Variants in TMC2 observed in about 807,000 individuals in gnomAD.
The protein encoded by TMC2 is transmembrane channel like 2, also known as transmembrane channel-like protein 2.
In TMC2, 102 loss-of-function variants were observed where a neutral mutation model predicts 105.9. That is an observed-to-expected ratio of 0.96 (90% CI 0.82 to 1.14). TMC2 has a LOEUF of 1.14. Among genes scored for constraint, TMC2 ranks in the 50% most tolerant of loss-of-function variants. The pLI is 0.00. For missense variants in TMC2, 1,093 were observed against 1,134.3 expected (o/e 0.96, Z 0.52); for synonymous variants, 402 against 422.8 (o/e 0.95, Z 0.60).
At position 2,635,962 on chromosome 20, in the gene TMC2, C is replaced by G. The variant is rs1326407583; in HGVS notation, c.2343C>G (p.Ser781Arg). 4.3e-6 allele frequency: 7 copies of G among 1,614,006 alleles called. No homozygotes were observed. The highest frequency in any genetic ancestry group is 1.3e-5 in the African/African-American group (1 of 74,890). ...AIYYLNSVSKSLSRANAQLRK... is the reference protein window; with the variant it reads ...AIYYLNSVSKRLSRANAQLRK... ...ACTACCTGAACTCAGTTTCCAAAAG[C>G]CTTTCCCGAGCTAATGCCCAGCTGA... The change falls in exon 18 of 20, where the codon AGC becomes AGG. Residue 781 changes from serine (S) to arginine (R), a missense_variant. Physicochemically the swap from Ser to Arg is moderately radical, Grantham distance 110 (BLOSUM62 -1). Coordinates refer to ENST00000358864, the MANE Select transcript of TMC2 (RefSeq NM_080751.3).
chr20:2,599,529 C>G (rs971707981), intron 10 of TMC2, among the ~76,000 whole-genome samples: 1 of 120,652 alleles, frequency 8.3e-6, no homozygotes, highest in Non-Finnish European at 1.8e-5. Context: ...TTTTTTTTTT[C>G]TTTAATTACA....
intron 7 of TMC2, among the ~76,000 whole-genome samples, chr20:2,590,431 TA>T (rs1330058672): frequency 1.3e-5 from 2 of 152,022 alleles, no homozygotes; most frequent in Non-Finnish European, 2.9e-5. Flanking sequence ...ATATATGTTA[TA>T]CATATACTAT....
intron 9 of TMC2, among the ~76,000 whole-genome samples, chr20:2,596,465 C>G (rs761341172): frequency 2.8e-4 from 43 of 152,038 alleles, no homozygotes; most frequent in Non-Finnish European, 5.7e-4. Flanking sequence ...AACCCCATCT[C>G]TACCAAAAAT....
intron 4 of TMC2, among the ~76,000 whole-genome samples, chr20:2,571,619 A>G (rs2086103502): frequency 6.6e-6 from 1 of 152,226 alleles, no homozygotes; most frequent in Non-Finnish European, 1.5e-5. Flanking sequence ...AGATTTCTTA[A>G]GAAACTTCTC....
chr20:2,555,188 C>T (rs990137224), intron 2 of TMC2, among the ~76,000 whole-genome samples: 1 of 152,204 alleles, frequency 6.6e-6, no homozygotes. Flanking sequence ...TCAAGCCATT[C>T]TCCTGCCTCA....
chr20:2,578,037 C>T (rs6417577), intron 5 of TMC2, among the ~76,000 whole-genome samples: 21,755 of 151,962 alleles, frequency 0.14, 2,128 homozygotes, highest in African/African-American at 0.28. Flanking sequence ...TAATAGGAAC[C>T]GGGCCAGGCA....
chr20:2,572,077 C>A, intron 4 of TMC2, 102 bp from the exon 5 acceptor site: 1 of 872,624 alleles, frequency 1.1e-6, no homozygotes, highest in Non-Finnish European at 1.9e-6. Context: ...CAGGGGTATA[C>A]AAAGACATAA....
At position 2,594,992 on chromosome 20, in the gene TMC2, G is replaced by T. The variant is rs533420401; in HGVS notation, c.1076+25G>T. 1.5e-5 allele frequency: 24 copies of T among 1,604,860 alleles called. No homozygotes were observed. In the East Asian group the frequency reaches 3.1e-4, roughly 21 times the overall value. On this transcript the variant is annotated intron_variant, in intron 9 of 19. Transcript: ENST00000358864. The stretch of plus-strand genomic sequence containing the variant: ...CGTAAGTATGACCGTCTCATCCGCA[G>T]GCTTTGACTTCACAGCCACAGCTCA...
chr20:2,589,270 CTGTGTGTGTGTGTGTGTGTGTGTGTG>C (rs750496572), intron 7 of TMC2, among the ~76,000 whole-genome samples: 1 of 116,292 alleles, frequency 8.6e-6, no homozygotes, highest in Non-Finnish European at 1.7e-5. Context: ...CCTATTTGCC[CTGTGTGTGTGTGTGTGTGTGTGTGTG>C]TGTGTGTGTG....
chr20:2,545,521 G>A (rs939136586), intron 2 of TMC2, among the ~76,000 whole-genome samples: 6 of 152,130 alleles, frequency 3.9e-5, no homozygotes, highest in Non-Finnish European at 7.3e-5. Context: ...GTCACTGGGG[G>A]CCATTCAGTC....
At chr20:2,540,608 C>A (rs1600092213) in intron 2 of TMC2, among the ~76,000 whole-genome samples, 1 of 147,006 alleles carries the variant, frequency 6.8e-6, no homozygotes, top group African/African-American at 2.5e-5. Flanking sequence ...TTGCAGTGAG[C>A]CTAGATGGTG....
chr20:2,587,529 TG>T (rs993931814), intron 7 of TMC2, among the ~76,000 whole-genome samples: 3 of 14,644 alleles, frequency 2.0e-4, no homozygotes, highest in Non-Finnish European at 3.2e-4. Context: ...GATTTGGGAA[TG>T]TTTTTTTTTA....
rs1206090492 is a variant in TMC2 at position 2,643,143 on chromosome 20, C to T, written c.*1792C>T. Among the ~76,000 whole-genome samples the T allele has an allele frequency of 2.0e-5, 3 of 152,140 alleles. No individual in the cohort carries two copies. Among genetic ancestry groups the T allele is most frequent in the African/African-American group, 7.2e-5 (3 of 41,426 alleles). On this transcript the variant is annotated 3_prime_UTR_variant, in exon 20 of 20. Transcript: ENST00000358864. ...CACCAATCTCTCCTGGCAAGGCTAA[C>T]GAAGATGTTGCAATGCCTGATTTCC...
intron 7 of TMC2, among the ~76,000 whole-genome samples, chr20:2,584,241 G>A (rs899471202): frequency 7.3e-5 from 11 of 151,596 alleles, no homozygotes; most frequent in African/African-American, 2.2e-4. Context: ...TCAGGAGATC[G>A]AGACCATCCC....
At chr20:2,538,608 C>T (rs1299239779) in intron 2 of TMC2, among the ~76,000 whole-genome samples, 5 of 152,126 alleles carry the variant, frequency 3.3e-5, no homozygotes, top group African/African-American at 4.8e-5. Flanking sequence ...CTGTGCTGTG[C>T]GGGACTCCCC....
intron 5 of TMC2, among the ~76,000 whole-genome samples, chr20:2,574,945 C>T (rs777499254): frequency 5.3e-5 from 8 of 152,066 alleles, no homozygotes; most frequent in African/African-American, 1.4e-4. Flanking sequence ...AGGCTGGTCT[C>T]GAAATCCTGA....
intron 14 of TMC2, among the ~76,000 whole-genome samples, chr20:2,614,739 T>C (rs2086467508): frequency 6.6e-6 from 1 of 152,028 alleles, no homozygotes; most frequent in Admixed American, 6.6e-5. Flanking sequence ...AGATACTATC[T>C]ACATGGGCCT....
At chr20:2,538,942 C>A (rs909748668) in intron 2 of TMC2, among the ~76,000 whole-genome samples, 2 of 152,172 alleles carry the variant, frequency 1.3e-5, no homozygotes, top group African/African-American at 4.8e-5. Context: ...TTTAAGAATA[C>A]AATGTTCTTT....
intron 10 of TMC2, among the ~76,000 whole-genome samples, chr20:2,597,612 C>A (rs1340452959): frequency 6.6e-6 from 1 of 151,990 alleles, no homozygotes; most frequent in Non-Finnish European, 1.5e-5. Context: ...CTCAGCCTCC[C>A]GAGTAGCTGG....
Sources: allele counts gnomAD v4.1 joint callset (sites outside exome capture counted in the v4.1 genomes callset), GRCh38; gene constraint gnomAD v4.1.1; transcripts MANE v1.5; gene names NCBI Gene and HGNC (gene_info 2026-07-23, HGNC 2026-07-21).